CHN2: variants seen among roughly 807,000 people sequenced by gnomAD.
CHN2 encodes beta-chimaerin.
Under a neutral mutation model 56.3 loss-of-function variants are expected in CHN2, and 35 were observed. The ratio of observed to expected loss-of-function variants is 0.62; its 90% CI spans 0.47 to 0.82. CHN2 has a LOEUF of 0.82. Ranked by LOEUF, CHN2 falls within the 40% of genes least tolerant of loss-of-function variation. CHN2 has a pLI of 0.00. For synonymous variants in CHN2, 210 were observed against 212.8 expected (o/e 0.99, Z 0.12); for missense variants, 491 against 580.5 (o/e 0.85, Z 1.58).
At chr7:29,310,596 A>G (rs1249555010) in intron 1 of CHN2, among the ~76,000 whole-genome samples, 1 of 152,214 alleles carries the variant, frequency 6.6e-6, no homozygotes, top group East Asian at 1.9e-4. Context: ...AAATTAGATG[A>G]CTGTCTTAGT....
At chr7:29,300,401 G>A (rs1793568249) in intron 1 of CHN2, among the ~76,000 whole-genome samples, 1 of 152,142 alleles carries the variant, frequency 6.6e-6, no homozygotes, top group African/African-American at 2.4e-5. Context: ...GAGGAGGGTG[G>A]GGCAAGGGTC....
At chr7:29,381,330 AGCCAACAGAGT>A (rs1800480132) in intron 3 of CHN2, among the ~76,000 whole-genome samples, 1 of 152,208 alleles carries the variant, frequency 6.6e-6, no homozygotes. Flanking sequence ...AAAAAACTCT[AGCCAACAGAGT>A]GCCAGGCTCG....
At chr7:29,355,182 G>C (rs1798199894) in intron 2 of CHN2, among the ~76,000 whole-genome samples, 1 of 151,946 alleles carries the variant, frequency 6.6e-6, no homozygotes, top group African/African-American at 2.4e-5. Context: ...TGTTGGTCAG[G>C]ATGGTCTCGA....
chr7:29,440,660 G>C (rs2128123278), intron 6 of CHN2, among the ~76,000 whole-genome samples: 1 of 141,420 alleles, frequency 7.1e-6, no homozygotes, highest in Non-Finnish European at 1.5e-5. Context: ...ACTCCAGCCT[G>C]GGCAACACAA....
At chr7:29,183,869 G>A (rs1393329738) in intron 2 of CHN2, among the ~76,000 whole-genome samples, 1 of 151,738 alleles carries the variant, frequency 6.6e-6, no homozygotes, top group African/African-American at 2.4e-5. Context: ...AAAAATGTTA[G>A]AAAAAACAAT....
At chr7:29,328,744 T>C (rs1046264135) in intron 1 of CHN2, among the ~76,000 whole-genome samples, 2 of 151,394 alleles carry the variant, frequency 1.3e-5, no homozygotes, top group Non-Finnish European at 1.5e-5. Context: ...ATAAATCGAG[T>C]CTCAGGTAAA....
chr7:29,181,150 G>A (rs762854780), intron 2 of CHN2: 1 of 152,212 alleles, frequency 6.6e-6, no homozygotes, highest in African/African-American at 2.4e-5. Context: ...CATGATATAT[G>A]TGGTGAGTTC....
chr7:29,215,519 A>G (rs245930), intron 1 of CHN2, among the ~76,000 whole-genome samples: 37,754 of 152,002 alleles, frequency 0.25, 5,305 homozygotes, highest in East Asian at 0.53. Flanking sequence ...TAAAATCAGC[A>G]CACTCACCTA....
At chr7:29,355,772 ATTTTT>A (rs1167339692) in intron 2 of CHN2, among the ~76,000 whole-genome samples, 6 of 52,366 alleles carry the variant, frequency 1.1e-4, no homozygotes, top group African/African-American at 4.5e-4. Flanking sequence ...AGATGGGACT[ATTTTT>A]TTTTTTTTTT....
At chr7:29,508,693 C>T (rs1472771608) in intron 11 of CHN2, among the ~76,000 whole-genome samples, 1 of 152,062 alleles carries the variant, frequency 6.6e-6, no homozygotes, top group Non-Finnish European at 1.5e-5. Flanking sequence ...ATCAGAGACC[C>T]AAAAGCCAGA....
At chr7:29,311,793 C>T (rs1585031025) in intron 1 of CHN2, among the ~76,000 whole-genome samples, 1 of 152,226 alleles carries the variant, frequency 6.6e-6, no homozygotes, top group African/African-American at 2.4e-5. Context: ...GCTATTTAGG[C>T]AACGAGTATT....
At chr7:29,467,599 A>T (rs1203805976) in intron 6 of CHN2, among the ~76,000 whole-genome samples, 3 of 152,226 alleles carry the variant, frequency 2.0e-5, no homozygotes, top group Non-Finnish European at 4.4e-5. Context: ...CAAAGAGATT[A>T]GAAAATGAAG....
At chr7:29,386,700 TAAA>T (rs1800942712) in intron 3 of CHN2, among the ~76,000 whole-genome samples, 1 of 152,182 alleles carries the variant, frequency 6.6e-6, no homozygotes, top group Non-Finnish European at 1.5e-5. Context: ...AAGTCTTCCT[TAAA>T]ATTGAAAAAT....
chr7:29,382,140 A>G (rs917522652), intron 3 of CHN2, among the ~76,000 whole-genome samples: 3 of 152,234 alleles, frequency 2.0e-5, no homozygotes, highest in African/African-American at 7.2e-5. Flanking sequence ...TGCCTGGTAC[A>G]TAAGTTCTCA....
chr7:29,386,703 A>AGT (rs1800943014), intron 3 of CHN2, among the ~76,000 whole-genome samples: 1 of 152,194 alleles, frequency 6.6e-6, no homozygotes, highest in Non-Finnish European at 1.5e-5. Flanking sequence ...TCTTCCTTAA[A>AGT]ATTGAAAAAT....
intron 2 of CHN2, among the ~76,000 whole-genome samples, chr7:29,355,876 C>T (rs934442319): frequency 2.0e-5 from 3 of 150,182 alleles, no homozygotes; most frequent in East Asian, 2.0e-4. Context: ...CTCCACCTCC[C>T]GGGCTCAAGT....
At chr7:29,147,905 A>T (rs1374771646) in intron 2 of CHN2, among the ~76,000 whole-genome samples, 2 of 152,180 alleles carry the variant, frequency 1.3e-5, no homozygotes. Context: ...CCAGATTGAA[A>T]CTTTGGATGA....
chr7:29,394,501 C>A (rs1469097691), intron 4 of CHN2, among the ~76,000 whole-genome samples: 1 of 152,220 alleles, frequency 6.6e-6, no homozygotes, highest in Non-Finnish European at 1.5e-5. Context: ...CCCGTCAGAG[C>A]CTCATCTTCA....
At chr7:29,195,688 A>T (rs1040225268) in intron 1 of CHN2, among the ~76,000 whole-genome samples, 1 of 151,128 alleles carries the variant, frequency 6.6e-6, no homozygotes, top group African/African-American at 2.4e-5. Context: ...AGATTTTCTG[A>T]TAATAGTGGC....
Sources: allele counts gnomAD v4.1 joint callset (sites outside exome capture counted in the v4.1 genomes callset), GRCh38; gene constraint gnomAD v4.1.1; transcripts MANE v1.5; gene names NCBI Gene and HGNC (gene_info 2026-07-23, HGNC 2026-07-21).